Variants in ARAP2 observed in about 807,000 individuals in gnomAD.
ARAP2 encodes arf-GAP with Rho-GAP domain, ANK repeat and PH domain-containing protein 2.
ARAP2 carries 148 observed loss-of-function variants against 194.5 expected under a neutral mutation model. The ratio of observed to expected loss-of-function variants is 0.76; its 90% CI spans 0.67 to 0.87. The LOEUF is 0.87. Ranked by LOEUF, ARAP2 falls within the 40% of genes least tolerant of loss-of-function variation. The pLI, the probability that ARAP2 is intolerant of heterozygous loss-of-function variation, is 0.00. For missense variants in ARAP2, 2,128 were observed against 1,989.7 expected (o/e 1.07, Z -1.32); for synonymous variants, 695 against 683.5 (o/e 1.02, Z -0.26).
At chr4:36,195,848 T>A (rs1309710942) in intron 6 of ARAP2, among the ~76,000 whole-genome samples, 1 of 152,250 alleles carries the variant, frequency 6.6e-6, no homozygotes, top group Non-Finnish European at 1.5e-5. Flanking sequence ...TTGCTTAATG[T>A]TTGTCTCCCA....
At position 36,232,312 on chromosome 4, in the gene ARAP2, C is replaced by T. The variant is rs78811873; in HGVS notation, c.-159-2667G>A. Among the ~76,000 whole-genome samples, 74 of 152,342 alleles carry T rather than the reference C, an allele frequency of 4.9e-4. No individual in the cohort carries two copies. The East Asian group carries it at 6.9e-3, about 14-fold the overall frequency. On this transcript the variant is annotated intron_variant, in intron 1 of 32. Coordinates refer to ENST00000303965, the MANE Select transcript of ARAP2 (RefSeq NM_015230.4). ...AACAAATCTCTCAGCCCAGTCTCCA[C>T]GTATCAGTCAGTGAACTATCAAACA...
chr4:36,244,663 C>T (rs1345263873), upstream of ARAP2, among the ~76,000 whole-genome samples: 2 of 152,016 alleles, frequency 1.3e-5, no homozygotes, highest in Admixed American at 6.5e-5. Flanking sequence ...GCACCCTCGC[C>T]ACCTGGCGCA....
intron 5 of ARAP2, among the ~76,000 whole-genome samples, chr4:36,033,559 A>G (rs1719375486): frequency 6.6e-6 from 1 of 150,430 alleles, no homozygotes; most frequent in South Asian, 2.2e-4. Context: ...CCTTTATCAG[A>G]TGCACAGCTT....
In ARAP2 at chr4:36,017,003, G is replaced by T. The variant is rs562794592; in HGVS notation, n.751-1045C>A. 4.5e-4 allele frequency among the ~76,000 whole-genome samples: 69 copies of T among 152,096 alleles called. 1 individual carries two copies. The South Asian group carries it at 0.014, about 30-fold the overall frequency. On this transcript the variant is annotated intron_variant and non_coding_transcript_variant, in intron 6 of 12. Transcript: ENST00000503225. ...CCTTTCACTCTCATTGTCATTTAAA[G>T]GTCAGATTGTGTCAAATCCGTGCTC...
chr4:36,099,648 T>C (rs1448970961), intron 27 of ARAP2, among the ~76,000 whole-genome samples: 1 of 152,106 alleles, frequency 6.6e-6, no homozygotes, highest in East Asian at 1.9e-4. Context: ...TTAAATCTTC[T>C]TCAATCTAGG....
Position 36,150,890 on chromosome 4 carries a change from A to G in ARAP2, c.2897+10T>C, listed in dbSNP as rs201220112. On this transcript the variant is annotated intron_variant, in intron 16 of 32. Coordinates refer to ENST00000303965, the MANE Select transcript of ARAP2 (RefSeq NM_015230.4). ...CCTTTTACCTCCTAATTGTGTAATGACAGACCTACCCAGTATTTAAATAGA... is the reference window on the plus strand; with the variant it reads ...CCTTTTACCTCCTAATTGTGTAATGGCAGACCTACCCAGTATTTAAATAGA... The G allele has an allele frequency of 4.8e-5, 77 of 1,608,034 alleles. No individual in the cohort carries two copies. The highest frequency in any genetic ancestry group is 5.8e-5 in the Non-Finnish European group (68 of 1,177,972).
At chr4:36,052,553 C>T (rs1439379832) in intron 2 of ARAP2, among the ~76,000 whole-genome samples, 1 of 152,188 alleles carries the variant, frequency 6.6e-6, no homozygotes, top group African/African-American at 2.4e-5. Flanking sequence ...AAATTATATG[C>T]ACTTCTAATG....
chr4:36,170,458 T>C (rs1311105275), intron 9 of ARAP2, among the ~76,000 whole-genome samples: 2 of 152,202 alleles, frequency 1.3e-5, no homozygotes, highest in Non-Finnish European at 2.9e-5. Context: ...TTTTATCTGC[T>C]TCTGTAGAAT....
intron 27 of ARAP2, 31 bp downstream of exon 27, chr4:36,107,534 C>A: frequency 6.4e-7 from 1 of 1,569,488 alleles, no homozygotes; most frequent in South Asian, 1.2e-5. Context: ...AATTTTCAAT[C>A]ATAGCTGCAA....
rs1164260213 is a variant in ARAP2 at position 36,125,303 on chromosome 4, A to T, written c.3641-336T>A. On this transcript the variant is annotated intron_variant, in intron 21 of 32. Transcript: ENST00000303965. ...TAACTTAACAGGAATACATTCAATT[A>T]ATTACTCAAACTGGAGTACAAACTG... 1.1e-3 allele frequency among the ~76,000 whole-genome samples: 160 copies of T among 152,006 alleles called. 2 individuals carry two copies. The highest frequency in any genetic ancestry group is 5.9e-5 in the Non-Finnish European group (4 of 67,958).
intron 28 of ARAP2, among the ~76,000 whole-genome samples, chr4:36,088,503 C>G (rs1391633587): frequency 6.6e-6 from 1 of 151,994 alleles, no homozygotes; most frequent in East Asian, 1.9e-4. Flanking sequence ...TGATAGTAAC[C>G]ACTTGATACC....
At chr4:36,149,203 G>C (rs906681019) in intron 16 of ARAP2, among the ~76,000 whole-genome samples, 1 of 152,158 alleles carries the variant, frequency 6.6e-6, no homozygotes, top group South Asian at 2.1e-4. Context: ...CCCCAAGCCT[G>C]TTGTATCCCC....
At chr4:36,111,496 A>C (rs1284196867) in intron 26 of ARAP2, among the ~76,000 whole-genome samples, 4 of 151,938 alleles carry the variant, frequency 2.6e-5, no homozygotes, top group Non-Finnish European at 4.4e-5. Context: ...TCTTAACTCT[A>C]AGTGTATTCT....
chr4:36,081,299 T>C lies in ARAP2; in HGVS notation c.4544+952A>G, dbSNP rs1729487144. Among the ~76,000 whole-genome samples, 3 of 152,236 alleles carry C rather than the reference T, an allele frequency of 2.0e-5. 1 individual carries two copies. The South Asian group carries it at 6.2e-4, about 32-fold the overall frequency. ...TTTGAGCTATGATTTCAAAGAACAT[T>C]GACAGTTGAGTTGGTTGAGTCATCA... On this transcript the variant is annotated intron_variant, in intron 30 of 32. Transcript: ENST00000303965.
At chr4:36,178,474 G>A (rs976894162) in intron 8 of ARAP2, among the ~76,000 whole-genome samples, 8 of 152,124 alleles carry the variant, frequency 5.3e-5, no homozygotes, top group Non-Finnish European at 1.0e-4. Flanking sequence ...CAATCACTTG[G>A]AACCTGCTCT....
At position 36,196,609 on chromosome 4, in the gene ARAP2, C is replaced by G. The variant is rs368169515; in HGVS notation, c.1488-2962G>C. Among the ~76,000 whole-genome samples the G allele has an allele frequency of 2.0e-5, 3 of 152,080 alleles. No individual in the cohort carries two copies. The East Asian group carries it at 5.8e-4, about 29-fold the overall frequency. On this transcript the variant is annotated intron_variant, in intron 6 of 32. Transcript: ENST00000303965. ...TCTATGAAGGGACAGGTAAATAAGA[C>G]AAATCCCAGCCCACAGTGAAATGGA...
intron 5 of ARAP2, among the ~76,000 whole-genome samples, chr4:36,040,136 T>G (rs1277329596): frequency 6.6e-6 from 1 of 152,200 alleles, no homozygotes; most frequent in Non-Finnish European, 1.5e-5. Context: ...TTTTAGCATT[T>G]GCAAGTTGAA....
At chr4:36,007,169 T>C (rs1017845664) in intron 9 of ARAP2, 1 of 152,242 alleles carries the variant, frequency 6.6e-6, no homozygotes, top group African/African-American at 2.4e-5. Context: ...TTTAGCTTGA[T>C]ACTTGTAAAG....
chr4:36,127,220 A>G (rs1038363703), intron 21 of ARAP2, among the ~76,000 whole-genome samples: 1 of 152,074 alleles, frequency 6.6e-6, no homozygotes, highest in African/African-American at 2.4e-5. Context: ...AGCTTCATAC[A>G]TTTCAATACA....
Sources: gnomAD v4.1 joint callset for allele counts (sites outside exome capture counted in the v4.1 genomes callset) on GRCh38, gnomAD v4.1.1 for gene constraint, MANE v1.5 for transcripts, NCBI Gene and HGNC (gene_info 2026-07-23, HGNC 2026-07-21) for gene names.